Variants in GLRA3 observed in about 807,000 individuals in gnomAD.
GLRA3 encodes the protein glycine receptor alpha 3.
In GLRA3, 44 loss-of-function variants were observed where a neutral mutation model predicts 60.4. The ratio of observed to expected loss-of-function variants is 0.73; its 90% CI spans 0.57 to 0.94. GLRA3 has a LOEUF of 0.94. Among genes scored for constraint, GLRA3 ranks in the 40% least tolerant of loss-of-function variants. GLRA3 has a pLI of 0.00. For synonymous variants in GLRA3, 223 were observed against 192.9 expected (o/e 1.16, Z -1.29); for missense variants, 508 against 564.6 (o/e 0.90, Z 1.02).
At chr4:174,756,873 C>T (rs538804543) in intron 3 of GLRA3, among the ~76,000 whole-genome samples, 122 of 152,196 alleles carry the variant, frequency 8.0e-4, no homozygotes, top group Admixed American at 1.7e-3. Context: ...GGTCTCGTCT[C>T]CTGACCTCGT....
At chr4:174,749,261 C>T (rs190681429) in intron 3 of GLRA3, among the ~76,000 whole-genome samples, 35 of 152,216 alleles carry the variant, frequency 2.3e-4, no homozygotes, top group African/African-American at 8.4e-4. Context: ...TAATCCTCCT[C>T]CCCCAGCTTT....
At chr4:174,826,951 T>C (rs1196538617) in intron 1 of GLRA3, among the ~76,000 whole-genome samples, 6 of 151,372 alleles carry the variant, frequency 4.0e-5, no homozygotes, top group Non-Finnish European at 7.4e-5. Context: ...TTTTTACATA[T>C]AATTAAAGTT....
chr4:174,797,218 A>G (rs1189878095), intron 1 of GLRA3, among the ~76,000 whole-genome samples: 3 of 152,208 alleles, frequency 2.0e-5, no homozygotes, highest in Admixed American at 6.5e-5. Context: ...AGCCATTTCT[A>G]TTTTGTCTAA....
chr4:174,797,194 A>C (rs955216718), intron 1 of GLRA3, among the ~76,000 whole-genome samples: 1 of 152,210 alleles, frequency 6.6e-6, no homozygotes, highest in Admixed American at 6.5e-5. Context: ...TTGGATAAGA[A>C]ACTTTACCAT....
At chr4:174,747,730 T>C (rs1191233896) in intron 3 of GLRA3, among the ~76,000 whole-genome samples, 4 of 152,106 alleles carry the variant, frequency 2.6e-5, no homozygotes, top group African/African-American at 9.7e-5. Flanking sequence ...CTCAATGAGA[T>C]AGCAAACAGG....
chr4:174,644,073 G>A lies in GLRA3; in HGVS notation c.1117-9C>T. The stretch of plus-strand genomic sequence containing the variant: ...TCCCTTACCTCATCATCCTGTCAAA[G>A]AAAAATGTGACAAGGCCCTTTAATA... On this transcript the variant is annotated splice_polypyrimidine_tract_variant and intron_variant, in intron 9 of 9. Coordinates refer to ENST00000274093, the MANE Select transcript of GLRA3 (RefSeq NM_006529.4). 2.6e-6 allele frequency: 4 copies of A among 1,564,266 alleles called. No homozygotes were observed. Among genetic ancestry groups the A allele is most frequent in the Admixed American group, 1.8e-5 (1 of 56,842 alleles).
chr4:174,730,408 T>C (rs542318826), intron 3 of GLRA3, among the ~76,000 whole-genome samples: 1 of 152,312 alleles, frequency 6.6e-6, no homozygotes, highest in African/African-American at 2.4e-5. Context: ...GGTCAAGTTA[T>C]AATCATACCT....
chr4:174,803,272 G>A (rs966426488), intron 1 of GLRA3, among the ~76,000 whole-genome samples: 7 of 151,810 alleles, frequency 4.6e-5, no homozygotes, highest in Non-Finnish European at 8.8e-5. Context: ...TATAGATTTG[G>A]CATCAGCTTA....
At chr4:174,703,203 G>A (rs1001305470) in intron 5 of GLRA3, among the ~76,000 whole-genome samples, 4 of 152,148 alleles carry the variant, frequency 2.6e-5, no homozygotes, top group African/African-American at 9.7e-5. Flanking sequence ...CAAATCCTCT[G>A]GATTGAGAGT....
intron 4 of GLRA3, among the ~76,000 whole-genome samples, chr4:174,719,970 T>C (rs1736072993): frequency 1.6e-5 from 2 of 123,988 alleles, no homozygotes; most frequent in African/African-American, 2.9e-5. Flanking sequence ...CTCATACAAG[T>C]AAACTTTAGT....
chr4:174,761,283 C>T (rs1561101389), intron 3 of GLRA3, among the ~76,000 whole-genome samples: 2 of 151,860 alleles, frequency 1.3e-5, no homozygotes, highest in Non-Finnish European at 2.9e-5. Flanking sequence ...GCTGTATTGG[C>T]TTAGGTATCT....
rs1306279010 is a variant in GLRA3, at chr4:174,641,910, T to C, written c.*1876A>G. On this transcript the variant is annotated 3_prime_UTR_variant, in exon 10 of 10. Transcript: ENST00000274093. ...GGAATACAAATGACATATCTTGCTC[T>C]AATCTTTAGAACAAGAATATGTTTC... 1 of 152,598 alleles carries C rather than the reference T, an allele frequency of 6.6e-6. No individual in the cohort carries two copies. Among genetic ancestry groups the C allele is most frequent in the Non-Finnish European group, 1.5e-5 (1 of 68,404 alleles). 9.5% of individuals were successfully genotyped at this position (152,598 alleles called of 1,614,324 possible).
rs1348464653 is a variant in GLRA3 at position 174,822,441 on chromosome 4, G to T, written c.71+6300C>A. 5.9e-5 allele frequency among the ~76,000 whole-genome samples: 9 copies of T among 152,200 alleles called. No individual in the cohort carries two copies. In the East Asian group the frequency reaches 1.7e-3, roughly 29 times the overall value. ...ATGGAAGCACATATAGGAAAAAATA[G>T]TTCATTTTGTCTAGGAGAAAACAGA... is the stretch of plus-strand genomic sequence containing the variant. On this transcript the variant is annotated intron_variant, in intron 1 of 9. Transcript: ENST00000274093.
At chr4:174,677,621 A>C (rs1460981686) in intron 6 of GLRA3, among the ~76,000 whole-genome samples, 1 of 151,936 alleles carries the variant, frequency 6.6e-6, no homozygotes, top group Non-Finnish European at 1.5e-5. Flanking sequence ...CAGCCTCCCA[A>C]AGTGTTGGGA....
intron 5 of GLRA3, among the ~76,000 whole-genome samples, chr4:174,698,524 C>T (rs1217957962): frequency 3.3e-5 from 5 of 152,080 alleles, no homozygotes; most frequent in African/African-American, 1.2e-4. Flanking sequence ...TTTTTCAGTA[C>T]CACTATTTAT....
chr4:174,787,366 T>G (rs950257457), intron 2 of GLRA3, among the ~76,000 whole-genome samples: 1 of 152,126 alleles, frequency 6.6e-6, no homozygotes, highest in Non-Finnish European at 1.5e-5. Context: ...GTGGTTTAGT[T>G]AAATGACAAC....
intron 9 of GLRA3, among the ~76,000 whole-genome samples, chr4:174,652,949 A>G (rs1733075184): frequency 6.6e-6 from 1 of 152,104 alleles, no homozygotes; most frequent in Non-Finnish European, 1.5e-5. Context: ...AGCATGAAGT[A>G]TTGATTATGT....
intron 7 of GLRA3, among the ~76,000 whole-genome samples, chr4:174,675,468 T>C (rs77089043): frequency 0.023 from 3,527 of 152,232 alleles, 61 homozygotes; most frequent in Middle Eastern, 0.075. Context: ...TTGTGCCTTG[T>C]AGAAGCCATA....
At chr4:174,693,395 C>T (rs1353829429) in intron 5 of GLRA3, among the ~76,000 whole-genome samples, 1 of 152,176 alleles carries the variant, frequency 6.6e-6, no homozygotes, top group Non-Finnish European at 1.5e-5. Context: ...GTTATCCCAG[C>T]ACCATTTATT....
Sources: allele counts gnomAD v4.1 joint callset (sites outside exome capture counted in the v4.1 genomes callset), GRCh38; gene constraint gnomAD v4.1.1; transcripts MANE v1.5; gene names NCBI Gene and HGNC (gene_info 2026-07-23, HGNC 2026-07-21).